ATXN1: variants seen among roughly 807,000 people sequenced by gnomAD.
ATXN1 encodes ataxin 1, also known as ataxin-1.
ATXN1 carries 8 observed loss-of-function variants against 56.4 expected under a neutral mutation model. The ratio of observed to expected loss-of-function variants is 0.14; its 90% CI spans 0.08 to 0.26. ATXN1 has a LOEUF of 0.26. Among genes scored for constraint, ATXN1 ranks in the 10% least tolerant of loss-of-function variants. The probability of loss-of-function intolerance (pLI) is 1.00; values close to 1 mark genes in which losing one functional copy is unlikely to be tolerated. For synonymous variants in ATXN1, 514 were observed against 494.6 expected, an observed-to-expected ratio of 1.04 and a Z score of -0.52; for missense variants, 987 against 1,106.5, an observed-to-expected ratio of 0.89 and a Z score of 1.53.
intron 2 of ATXN1, among the ~76,000 whole-genome samples, chr6:16,716,449 G>T (rs1453438906): frequency 1.3e-5 from 2 of 152,208 alleles, no homozygotes; most frequent in African/African-American, 4.8e-5. Flanking sequence ...GGAACTGGAA[G>T]ATCTGAGCTC....
intron 4 of ATXN1, among the ~76,000 whole-genome samples, chr6:16,531,349 G>A (rs917011087): frequency 6.6e-6 from 1 of 152,176 alleles, no homozygotes; most frequent in Admixed American, 6.5e-5. Flanking sequence ...CAGGCAGGAC[G>A]CAGTGGCTCA....
At chr6:16,760,000 A>G (rs563309951) in intron 1 of ATXN1, among the ~76,000 whole-genome samples, 2 of 150,540 alleles carry the variant, frequency 1.3e-5, no homozygotes, top group East Asian at 4.0e-4. Flanking sequence ...ACAAATACAC[A>G]CACACAGTCA....
chr6:16,490,344 C>G (rs1760636235), intron 5 of ATXN1, among the ~76,000 whole-genome samples: 1 of 152,210 alleles, frequency 6.6e-6, no homozygotes, highest in Non-Finnish European at 1.5e-5. Flanking sequence ...CAAGCATACT[C>G]AGTCACTGCT....
chr6:16,527,578 T>C (rs940011887), intron 4 of ATXN1, among the ~76,000 whole-genome samples: 2 of 152,162 alleles, frequency 1.3e-5, no homozygotes, highest in Non-Finnish European at 2.9e-5. Flanking sequence ...TTACAACAAA[T>C]GCTCCCTAAA....
chr6:16,555,169 C>T (rs1359338216), intron 4 of ATXN1, among the ~76,000 whole-genome samples: 5 of 152,132 alleles, frequency 3.3e-5, no homozygotes, highest in South Asian at 2.1e-4. Flanking sequence ...ACCATCATCT[C>T]GGAGGTCTTT....
chr6:16,334,291 C>G lies in ATXN1; in HGVS notation c.-160-5821G>C, dbSNP rs1761062638. 2.0e-5 allele frequency among the ~76,000 whole-genome samples: 3 copies of G among 152,140 alleles called. No individual in the cohort carries two copies. In the South Asian group the frequency reaches 6.2e-4, roughly 32 times the overall value. On this transcript the variant is annotated intron_variant, in intron 6 of 7. Coordinates refer to ENST00000436367, the MANE Select transcript of ATXN1 (RefSeq NM_001128164.2). ...AAATGCCTGCCCTTGGTTTCAACAG[C>G]TCAATTAGCCTACTAGCAGGGTTGA...
At chr6:16,408,137 C>T (rs931906196) in intron 6 of ATXN1, among the ~76,000 whole-genome samples, 1 of 152,078 alleles carries the variant, frequency 6.6e-6, no homozygotes, top group Non-Finnish European at 1.5e-5. Flanking sequence ...CTGAGGCCAC[C>T]ATGTTTTGTG....
At chr6:16,611,025 G>A (rs1030604135) in intron 3 of ATXN1, among the ~76,000 whole-genome samples, 2 of 152,090 alleles carry the variant, frequency 1.3e-5, no homozygotes, top group Non-Finnish European at 2.9e-5. Flanking sequence ...GCAAGACCCT[G>A]TCTCTAGAGA....
intron 4 of ATXN1, among the ~76,000 whole-genome samples, chr6:16,551,244 C>T (rs563838884): frequency 1.3e-5 from 2 of 152,308 alleles, no homozygotes; most frequent in African/African-American, 4.8e-5. Context: ...CTCCCATATC[C>T]CTTAGAACAC....
chr6:16,447,410 G>A (rs975996806), intron 6 of ATXN1, among the ~76,000 whole-genome samples: 1 of 152,098 alleles, frequency 6.6e-6, no homozygotes, highest in Non-Finnish European at 1.5e-5. Flanking sequence ...TTTTAGTAGG[G>A]ATGGGGTTTC....
chr6:16,349,743 T>C (rs1172352665), intron 6 of ATXN1, among the ~76,000 whole-genome samples: 1 of 151,980 alleles, frequency 6.6e-6, no homozygotes, highest in Non-Finnish European at 1.5e-5. Context: ...GTGCACTGAT[T>C]TTTTTTTCCC....
chr6:16,745,933 C>CGTGTGTGTGTGT (rs60773814), intron 2 of ATXN1, among the ~76,000 whole-genome samples: 1,626 of 147,202 alleles, frequency 0.011, 14 homozygotes, highest in Non-Finnish European at 0.018. Flanking sequence ...CTATGCCTTC[C>CGTGTGTGTGTGT]GTGTGTGTGT....
intron 6 of ATXN1, among the ~76,000 whole-genome samples, chr6:16,411,336 C>A (rs1561885807): frequency 6.6e-6 from 1 of 151,914 alleles, no homozygotes; most frequent in Non-Finnish European, 1.5e-5. Context: ...ACTACTACCT[C>A]ATATGACTTT....
chr6:16,382,500 C>G (rs1216201039), intron 6 of ATXN1, among the ~76,000 whole-genome samples: 3 of 151,924 alleles, frequency 2.0e-5, no homozygotes, highest in African/African-American at 7.3e-5. Context: ...GAAGGTTTTG[C>G]TTTTTTAGAA....
Position 16,327,454 on chromosome 6 carries a change from G to A in ATXN1, c.857C>T (p.Pro286Leu), listed in dbSNP as rs998310135. ...MIPHTLTLGP[P>L]SQVVMQYADS... The stretch of plus-strand genomic sequence containing the variant: ...GGCGTATTGCATGACGACCTGGGAG[G>A]GGGGCCCCAGGGTGAGCGTGTGTGG... The change falls in exon 7 of 8, where the codon CCC (proline) becomes CTC (leucine). Residue 286 changes from proline (P) to leucine (L), a missense_variant. Coordinates refer to ENST00000436367, the MANE Select transcript of ATXN1 (RefSeq NM_001128164.2). 6.2e-7 allele frequency: 1 copy of A among 1,613,456 alleles called. No homozygotes were observed. The highest frequency in any genetic ancestry group is 1.3e-5 in the African/African-American group (1 of 74,940).
At chr6:16,704,906 G>T (rs932557826) in intron 2 of ATXN1, among the ~76,000 whole-genome samples, 3 of 152,168 alleles carry the variant, frequency 2.0e-5, no homozygotes, top group African/African-American at 4.8e-5. Flanking sequence ...GCGAGGGGGA[G>T]GGGGCACAGT....
chr6:16,602,003 A>T (rs913290964), intron 3 of ATXN1, among the ~76,000 whole-genome samples: 1 of 152,198 alleles, frequency 6.6e-6, no homozygotes, highest in Non-Finnish European at 1.5e-5. Context: ...CATAAATCTT[A>T]AAGTTTTCAG....
chr6:16,374,507 C>T (rs892370780), intron 6 of ATXN1, among the ~76,000 whole-genome samples: 6 of 152,218 alleles, frequency 3.9e-5, no homozygotes, highest in African/African-American at 1.4e-4. Flanking sequence ...ATCTACCACA[C>T]TATCCAATGT....
intron 6 of ATXN1, chr6:16,485,032 T>G (rs1457069550): frequency 6.6e-6 from 1 of 150,500 alleles, no homozygotes; most frequent in Non-Finnish European, 1.5e-5. Context: ...TACATATATA[T>G]TACAGAAATA....
Sources: gnomAD v4.1 joint callset for allele counts (sites outside exome capture counted in the v4.1 genomes callset) on GRCh38, gnomAD v4.1.1 for gene constraint, MANE v1.5 for transcripts, NCBI Gene and HGNC (gene_info 2026-07-23, HGNC 2026-07-21) for gene names.